TRIOBP: variants seen among roughly 807,000 people sequenced by gnomAD.
The protein encoded by TRIOBP is TRIO and F-actin-binding protein.
A neutral mutation model predicts 238.8 loss-of-function variants in TRIOBP; 169 were observed. That is an observed-to-expected ratio of 0.71 (90% CI 0.62 to 0.80). The LOEUF (loss-of-function observed/expected upper bound fraction) is 0.80. Ranked by LOEUF, TRIOBP falls within the 30% of genes least tolerant of loss-of-function variation. The pLI is 0.00. For missense variants in TRIOBP, 2,838 were observed against 3,122.6 expected, an observed-to-expected ratio of 0.91 and a Z score of 2.17; for synonymous variants, 1,150 against 1,274.4, an observed-to-expected ratio of 0.90 and a Z score of 2.08.
At chr22:37,706,971 A>G (rs1922975103) in intron 3 of TRIOBP, among the ~76,000 whole-genome samples, 2 of 151,984 alleles carry the variant, frequency 1.3e-5, no homozygotes, top group Admixed American at 6.6e-5. Flanking sequence ...ATGTGATAGT[A>G]AAAAACTGAC....
chr22:37,739,721 G>T (rs1924845396), intron 10 of TRIOBP, among the ~76,000 whole-genome samples: 1 of 152,186 alleles, frequency 6.6e-6, no homozygotes, highest in Non-Finnish European at 1.5e-5. Context: ...GAATGGGCGG[G>T]GACAGGGGAC....
chr22:37,759,514 A>G (rs768227400), intron 17 of TRIOBP: 21 of 1,608,232 alleles, frequency 1.3e-5, no homozygotes, highest in Non-Finnish European at 1.7e-5. Flanking sequence ...GCAGGTCTCA[A>G]AGGTGGGATT....
At chr22:37,768,807 A>G (rs1407424137) in intron 19 of TRIOBP, among the ~76,000 whole-genome samples, 14 of 139,624 alleles carry the variant, frequency 1.0e-4, no homozygotes, top group Admixed American at 4.3e-4. Context: ...GACTCCATCT[A>G]AAAAAAAAAA....
chr22:37,715,973 C>T, intron 6 of TRIOBP, 39 bp downstream of exon 6: 1 of 1,609,676 alleles, frequency 6.2e-7, no homozygotes. Context: ...TGGTGATGGC[C>T]TGGGGCCCCC....
chr22:37,718,731 G>T (rs933474833), intron 6 of TRIOBP, among the ~76,000 whole-genome samples: 1 of 151,710 alleles, frequency 6.6e-6, no homozygotes, highest in Non-Finnish European at 1.5e-5. Flanking sequence ...GACTCTTCTT[G>T]ATTAAAAGAG....
At chr22:37,761,189 C>T (rs1363685581) in intron 17 of TRIOBP, among the ~76,000 whole-genome samples, 1 of 151,900 alleles carries the variant, frequency 6.6e-6, no homozygotes, top group Non-Finnish European at 1.5e-5. Context: ...TGGCTAATGC[C>T]TGTATCTCAG....
rs752517503 is a variant in TRIOBP, at chr22:37,758,004, G to A, written c.6079G>A (p.Glu2027Lys). Residue 2027 changes from glutamate to lysine, a missense_variant, in exon 16 of 24, where the codon GAG becomes AAG. Glu to Lys is a moderately conservative substitution (Grantham distance 56). This residue lies in a region of TRIOBP where 2,096 missense variants were observed against 2,137.4 expected (regional missense o/e 0.98). Coordinates refer to ENST00000644935, the MANE Select transcript of TRIOBP (RefSeq NM_001039141.3). ...GCAAAACCGGCTTAGTGAGGAGATC[G>A]AGAAGAAGTGGCAGGAGCTGGAGAA... is the stretch of plus-strand genomic sequence containing the variant. ...DQQNRLSEEI[E>K]KKWQELEKLP... The A allele has an allele frequency of 3.7e-6, 6 of 1,605,394 alleles. No homozygotes were observed. The highest frequency in any genetic ancestry group is 4.5e-5 in the East Asian group (2 of 44,462).
At position 37,713,362 on chromosome 22, in the gene TRIOBP, C is replaced by G; in HGVS notation, c.407C>G (p.Ser136Cys). The G allele has an allele frequency of 6.2e-7, 1 of 1,613,980 alleles. No individual in the cohort carries two copies. Among genetic ancestry groups the G allele is most frequent in the Non-Finnish European group, 8.5e-7 (1 of 1,180,010 alleles). Reference protein sequence around the residue: ...CNEDPGSDPTSSPDSATPDDT... With the variant: ...CNEDPGSDPTCSPDSATPDDT... ...GAGGACCCCGGCTCTGACCCCACCT[C>G]CAGCCCTGACTCCGCCACCCCTGAT... The change falls in exon 5 of 24, where the codon TCC becomes TGC. Residue 136 changes from serine to cysteine, a missense_variant. Coordinates refer to ENST00000644935, the MANE Select transcript of TRIOBP (RefSeq NM_001039141.3).
rs1202187058 is a variant in TRIOBP at position 37,723,365 on chromosome 22, C to G, written c.809C>G (p.Ala270Gly). The G allele has an allele frequency of 1.9e-6, 3 of 1,614,082 alleles. No homozygotes were observed. In the East Asian group the frequency reaches 6.7e-5, roughly 36 times the overall value. The part of the protein sequence containing the change: ...SPAQRDTAQA[A>G]STREIPRASS... Reference sequence around the variant, plus strand: ...GCCCAAAGGGACACTGCTCAGGCTGCCTCTACACGTGAAATCCCCAGAGCC... The same window carrying G: ...GCCCAAAGGGACACTGCTCAGGCTGGCTCTACACGTGAAATCCCCAGAGCC... The change falls in exon 7 of 24, where the codon GCC (alanine) becomes GGC (glycine). Residue 270 changes from alanine to glycine, a missense_variant. Coordinates refer to ENST00000644935, the MANE Select transcript of TRIOBP (RefSeq NM_001039141.3).
At position 37,769,350 on chromosome 22, in the gene TRIOBP, A is replaced by T. The variant is rs1436217484; in HGVS notation, c.6824A>T (p.Asn2275Ile). Residue 2275 changes from asparagine (N) to isoleucine (I), a missense_variant, in exon 21 of 24, where the codon AAC (asparagine) becomes ATC (isoleucine). Physicochemically the swap from Asn to Ile is moderately radical, Grantham distance 149. Coordinates refer to ENST00000644935, the MANE Select transcript of TRIOBP (RefSeq NM_001039141.3). ...ATGGGCAATGGCTGCGGGCGCAGCA[A>T]CGAGCGGAGTTCCTGCGAGCTAGAG... ...QGMGNGCGRS[N>I]ERSSCELEVL... 6.2e-7 allele frequency: 1 copy of T among 1,609,310 alleles called. No individual in the cohort carries two copies. The highest frequency in any genetic ancestry group is 8.5e-7 in the Non-Finnish European group (1 of 1,178,762).
At position 37,724,932 on chromosome 22, in the gene TRIOBP, A is replaced by T. The variant is rs754574965; in HGVS notation, c.2376A>T (p.Arg792Ser). Residue 792 changes from arginine (R) to serine (S), a missense_variant, in exon 7 of 24, where the codon AGA (arginine) becomes AGT (serine). Around this residue, in one of 5 missense-constraint regions of TRIOBP, gnomAD observed 2,096 missense variants for 2,137.4 expected, o/e 0.98. Transcript: ENST00000644935. ...SPNRATRDNPRTSCAQRDNLR... is the reference protein window; with the variant it reads ...SPNRATRDNPSTSCAQRDNLR... Reference sequence around the variant, plus strand: ...ATAGAGCCACACGAGACAACCCCAGAACATCCTGTGCCCAGCGGGACAATC... The same window carrying T: ...ATAGAGCCACACGAGACAACCCCAGTACATCCTGTGCCCAGCGGGACAATC... 1.1e-5 allele frequency: 18 copies of T among 1,613,714 alleles called. No homozygotes were observed. The highest frequency in any genetic ancestry group is 1.3e-5 in the Non-Finnish European group (15 of 1,179,942).
intron 3 of TRIOBP, among the ~76,000 whole-genome samples, chr22:37,710,158 GC>G (rs1456721522): frequency 6.6e-6 from 1 of 152,238 alleles, no homozygotes; most frequent in African/African-American, 2.4e-5. Flanking sequence ...GCACACATGT[GC>G]CCCCAATACC....
rs552043361 is a variant in TRIOBP at position 37,723,286 on chromosome 22, T to C, written c.730T>C (p.Ser244Pro). ...GCACCGGTCAACACTGACCCAGGCT[T>C]CCTCCATGACACCACACAGTGGACC... ...ERHRSTLTQA[S>P]SMTPHSGPRS... is the part of the protein sequence containing the mutation. Residue 244 changes from serine (S) to proline (P), a missense_variant, in exon 7 of 24, where the codon TCC (serine) becomes CCC (proline). By Grantham distance (74) the Ser-to-Pro change is moderately conservative. This residue lies in a region of TRIOBP where 535 missense variants were observed against 537.3 expected (regional missense o/e 1.00). Transcript: ENST00000644935. The C allele has an allele frequency of 1.9e-6, 3 of 1,614,012 alleles. No homozygotes were observed. In the African/African-American group the frequency reaches 4.0e-5, roughly 22 times the overall value.
At chr22:37,750,860 G>A (rs1355124128) in intron 11 of TRIOBP, 10 of 411,422 alleles carry the variant, frequency 2.4e-5, no homozygotes, top group South Asian at 3.5e-5. Context: ...CATGCCACCC[G>A]TTCTCTGCAG....
chr22:37,726,323 C>A lies in TRIOBP; in HGVS notation c.3767C>A (p.Ala1256Glu). Residue 1256 changes from alanine to glutamate, a missense_variant, in exon 7 of 24, where the codon GCG becomes GAG. This residue lies in a region of TRIOBP where 2,096 missense variants were observed against 2,137.4 expected (regional missense o/e 0.98). Transcript: ENST00000644935. ...AGCTCTGGGGGCTCCCGGGGCTCAGCGCCTCCCGGGGAGACCAGGCACAAC... is the reference window on the plus strand; with the variant it reads ...AGCTCTGGGGGCTCCCGGGGCTCAGAGCCTCCCGGGGAGACCAGGCACAAC... ...PGSSGGSRGS[A>E]PPGETRHNLE... 6.2e-7 allele frequency: 1 copy of A among 1,612,528 alleles called. No individual in the cohort carries two copies. The highest frequency in any genetic ancestry group is 1.3e-5 in the African/African-American group (1 of 75,056).
rs552399163 is a variant in TRIOBP at position 37,770,892 on chromosome 22, C to T, written c.6850-758C>T. Among the ~76,000 whole-genome samples the T allele has an allele frequency of 1.4e-4, 21 of 151,346 alleles. No individual in the cohort carries two copies. In the East Asian group the frequency reaches 2.8e-3, roughly 20 times the overall value. On this transcript the variant is annotated intron_variant, in intron 21 of 23. Transcript: ENST00000644935. ...AGAGACGGGGTTTCACCATGTTAGC[C>T]GGGATGGTCCCAATCTCCTGACCTC... is the stretch of plus-strand genomic sequence containing the variant.
At chr22:37,746,172 T>A in intron 11 of TRIOBP, 1 of 999,582 alleles carries the variant, frequency 1.0e-6, no homozygotes. Context: ...TGTCTCGGCT[T>A]CCCCGCCACC....
chr22:37,733,237 G>C (rs562478384), intron 7 of TRIOBP, 61 bp from the exon 8 acceptor site: 1 of 1,340,652 alleles, frequency 7.5e-7, no homozygotes, highest in East Asian at 2.5e-5. Context: ...GGTGGGAGCA[G>C]AGGGGCTGGG....
intron 7 of TRIOBP, among the ~76,000 whole-genome samples, chr22:37,730,575 C>T (rs34891095): frequency 0.24 from 36,897 of 151,944 alleles, 5,389 homozygotes; most frequent in South Asian, 0.41. Flanking sequence ...AGCTCCTATA[C>T]CCCAGTTCGG....
Sources: allele counts gnomAD v4.1 joint callset (sites outside exome capture counted in the v4.1 genomes callset), GRCh38; gene constraint gnomAD v4.1.1; regional missense constraint gnomAD v4.1.1; transcripts MANE v1.5; gene names NCBI Gene and HGNC (gene_info 2026-07-23, HGNC 2026-07-21).